Variants in ZDHHC11 observed in about 807,000 individuals in gnomAD.
ZDHHC11 encodes the protein zDHHC palmitoyltransferase 11.
ZDHHC11 carries 44 observed loss-of-function variants against 51.3 expected under a neutral mutation model. The ratio of observed to expected loss-of-function variants is 0.86; its 90% CI spans 0.67 to 1.10. The LOEUF is 1.10. Among genes scored for constraint, ZDHHC11 ranks in the 50% least tolerant of loss-of-function variants. The pLI is 0.00. For missense variants in ZDHHC11, 400 were observed against 537.7 expected, an observed-to-expected ratio of 0.74 and a Z score of 2.53; for synonymous variants, 163 against 222.0, an observed-to-expected ratio of 0.73 and a Z score of 2.36.
In ZDHHC11 at chr5:837,280, G is replaced by C. The variant is rs1402386813; in HGVS notation, c.900+85C>G. ...GGGCTGCATCGGCCCTGAAGTAAAG[G>C]AGCATGGCTGAGAGGTCCCAACCAC... On this transcript the variant is annotated intron_variant, in intron 6 of 12. Transcript: ENST00000283441. The C allele has an allele frequency of 2.7e-6, 4 of 1,484,730 alleles. No individual in the cohort carries two copies. The South Asian group carries it at 4.5e-5, about 17-fold the overall frequency. 92.0% of individuals were successfully genotyped at this position (1,484,730 alleles called of 1,614,324 possible). A position where few individuals can be genotyped will look rare whatever the true frequency, so the allele number is the denominator to read the frequency against.
chr5:821,856 C>T lies in ZDHHC11; in HGVS notation c.1058+5G>A, dbSNP rs1405938038. 1 of 1,603,460 alleles carries T rather than the reference C, an allele frequency of 6.2e-7. No homozygotes were observed. The highest frequency in any genetic ancestry group is 2.2e-5 in the East Asian group (1 of 44,816). ...AAAATAATCCCATTAAACTTACAAA[C>T]TCACCCAAGTGCAGATGGACACGGG... On this transcript the variant is annotated splice_donor_5th_base_variant and intron_variant, in intron 9 of 12. Transcript: ENST00000283441.
chr5:846,633 C>A (rs1443754161), intron 3 of ZDHHC11, among the ~76,000 whole-genome samples: 4 of 123,500 alleles, frequency 3.2e-5, no homozygotes, highest in South Asian at 2.5e-4. Flanking sequence ...CTCATCCTTG[C>A]GCCTCCACCG....
intron 3 of ZDHHC11, 99 bp from the exon 4 acceptor site, chr5:843,823 G>A (rs1745525910): frequency 1.6e-6 from 1 of 636,762 alleles, no homozygotes; most frequent in Non-Finnish European, 2.1e-6. Flanking sequence ...GGTGTGCACG[G>A]GGTGGGCAGG....
chr5:843,976 GCAGGGACACGCA>G (rs1745637631), intron 3 of ZDHHC11, among the ~76,000 whole-genome samples: 2 of 110,796 alleles, frequency 1.8e-5, no homozygotes, highest in African/African-American at 1.2e-4. Flanking sequence ...AGAGGCAGGG[GCAGGGACACGCA>G]GGGCATCTGG....
At chr5:799,656 T>C (rs1339906908) in intron 12 of ZDHHC11, among the ~76,000 whole-genome samples, 1 of 151,414 alleles carries the variant, frequency 6.6e-6, no homozygotes, top group Non-Finnish European at 1.5e-5. Flanking sequence ...CATTTCACTG[T>C]TCCACACAAA....
chr5:808,533 T>TTTTA (rs1235338199), intron 11 of ZDHHC11, among the ~76,000 whole-genome samples: 69 of 149,362 alleles, frequency 4.6e-4, no homozygotes, highest in Middle Eastern at 3.4e-3. Flanking sequence ...GTTCCATCTT[T>TTTTA]TTTATTTATT....
chr5:851,406 G>A (rs764395146), upstream of ZDHHC11, among the ~76,000 whole-genome samples: 21 of 152,190 alleles, frequency 1.4e-4, no homozygotes, highest in East Asian at 5.8e-4. Flanking sequence ...CGGCCGCTAC[G>A]GGGTGGGGGG....
chr5:844,114 G>T lies in ZDHHC11; in HGVS notation c.504-390C>A, dbSNP rs188886469. Among the ~76,000 whole-genome samples the T allele has an allele frequency of 6.4e-3, 961 of 151,196 alleles. 14 individuals carry two copies. The highest frequency in any genetic ancestry group is 0.021 in the African/African-American group (868 of 40,614). On this transcript the variant is annotated intron_variant, in intron 3 of 12. Coordinates refer to ENST00000283441, the MANE Select transcript of ZDHHC11 (RefSeq NM_024786.3). ...TCAGTGTGGGCGTCCACTTGAGGGC[G>T]CCTGGCCACCGCCCAACGCTGGCCT...
At chr5:801,852 A>C (rs1193745214) in intron 11 of ZDHHC11, among the ~76,000 whole-genome samples, 1 of 151,434 alleles carries the variant, frequency 6.6e-6, no homozygotes, top group Non-Finnish European at 1.5e-5. Flanking sequence ...CTTCTAAATC[A>C]AAACTGCGTA....
intron 7 of ZDHHC11, among the ~76,000 whole-genome samples, chr5:828,454 G>A (rs1213244178): frequency 6.6e-6 from 1 of 150,580 alleles, no homozygotes; most frequent in African/African-American, 2.4e-5. Flanking sequence ...CCGGGTGGGG[G>A]CTGACCCCCC....
Position 840,292 on chromosome 5 carries a change from T to A in ZDHHC11, c.784+203A>T, listed in dbSNP as rs550132339. 3.9e-4 allele frequency: 330 copies of A among 849,194 alleles called. No homozygotes were observed. In the African/African-American group the frequency reaches 5.0e-3, roughly 13 times the overall value. The allele number at this position is 849,194 out of a possible 1,614,324, so 52.6% of individuals were successfully genotyped here. A position where few individuals can be genotyped will look rare whatever the true frequency, so the allele number is the denominator to read the frequency against. On this transcript the variant is annotated intron_variant, in intron 5 of 12. Coordinates refer to ENST00000283441, the MANE Select transcript of ZDHHC11 (RefSeq NM_024786.3). ...CCTGCTGGGTCCTCATGGATTTAAT[T>A]TCTTCCTGTGATTTGCCCTTTTTGT...
chr5:846,867 C>T (rs1344937832), intron 3 of ZDHHC11, among the ~76,000 whole-genome samples: 3 of 103,564 alleles, frequency 2.9e-5, no homozygotes, highest in African/African-American at 1.6e-4. Context: ...CTCGTTCTTG[C>T]ACCTCCACCA....
chr5:857,420 G>A (rs1455691015), intron 1 of ZDHHC11, among the ~76,000 whole-genome samples: 1 of 152,138 alleles, frequency 6.6e-6, no homozygotes, highest in Non-Finnish European at 1.5e-5. Flanking sequence ...CACCCTATCA[G>A]GTCTTTAAGA....
chr5:824,195 A>ACGC (rs1352867249), intron 8 of ZDHHC11: 1 of 415,746 alleles, frequency 2.4e-6, no homozygotes, highest in Non-Finnish European at 4.8e-6. Flanking sequence ...GTGGTGGCTC[A>ACGC]CGCCTCTAAT....
chr5:836,907 A>C (rs1743937557), intron 6 of ZDHHC11, among the ~76,000 whole-genome samples: 1 of 149,682 alleles, frequency 6.7e-6, no homozygotes. Flanking sequence ...AAATACAAAA[A>C]TTAGTCGGGC....
At chr5:837,143 A>G (rs574569360) in intron 6 of ZDHHC11, among the ~76,000 whole-genome samples, 14 of 152,202 alleles carry the variant, frequency 9.2e-5, no homozygotes, top group South Asian at 2.1e-4. Context: ...TTCCTTTCCT[A>G]TCTTTGCACT....
chr5:830,061 C>T lies in ZDHHC11; in HGVS notation c.935+3712G>A, dbSNP rs1253659410. Among the ~76,000 whole-genome samples, 7 of 144,186 alleles carry T rather than the reference C, an allele frequency of 4.9e-5. No individual in the cohort carries two copies. The East Asian group carries it at 1.4e-3, about 28-fold the overall frequency. 94.6% of individuals were successfully genotyped at this position (144,186 alleles called of 152,430 possible). ...GAATGGGGAAAAGTTGAAAACATTG[C>T]CCCTCAGAACTGGAATAAGACAAGG... On this transcript the variant is annotated intron_variant, in intron 7 of 12. Transcript: ENST00000283441.
At chr5:827,190 C>T (rs1456582022) in intron 7 of ZDHHC11, among the ~76,000 whole-genome samples, 1 of 149,286 alleles carries the variant, frequency 6.7e-6, no homozygotes, top group Non-Finnish European at 1.5e-5. Flanking sequence ...AGAGAACTAG[C>T]CACTAATAAG....
At chr5:847,209 A>G (rs2150447357) in intron 3 of ZDHHC11, among the ~76,000 whole-genome samples, 1 of 151,820 alleles carries the variant, frequency 6.6e-6, no homozygotes, top group Admixed American at 6.5e-5. Flanking sequence ...GGTGGAGAGA[A>G]GGCAGCCCAG....
Sources: allele counts gnomAD v4.1 joint callset (sites outside exome capture counted in the v4.1 genomes callset), GRCh38; gene constraint gnomAD v4.1.1; transcripts MANE v1.5; gene names NCBI Gene and HGNC (gene_info 2026-07-23, HGNC 2026-07-21).